The following ZNF407 variants were observed in gnomAD, a reference collection of about 807,000 sequenced individuals.
ZNF407 encodes zinc finger protein 407.
A neutral mutation model predicts 131.2 loss-of-function variants in ZNF407; 17 were observed. That is an observed-to-expected ratio of 0.13 (90% CI 0.09 to 0.19). ZNF407 has a LOEUF of 0.19. ZNF407 is among the 10% of genes least tolerant of loss of function. The pLI is 1.00. For synonymous variants in ZNF407, 1,156 were observed against 1,062.0 expected (o/e 1.09, Z -1.72); for missense variants, 2,681 against 2,830.6 (o/e 0.95, Z 1.20).
At chr18:74,615,550 T>C (rs1983249288) in intron 1 of ZNF407, among the ~76,000 whole-genome samples, 1 of 152,212 alleles carries the variant, frequency 6.6e-6, no homozygotes, top group African/African-American at 2.4e-5. Context: ...TAACATATTC[T>C]AGCAGTTGTA....
At chr18:74,671,196 A>C (rs908271182) in intron 3 of ZNF407, among the ~76,000 whole-genome samples, 23 of 152,198 alleles carry the variant, frequency 1.5e-4, no homozygotes, top group African/African-American at 5.5e-4. Context: ...GTGGAGCCAT[A>C]CAGTATTTGT....
intron 4 of ZNF407, among the ~76,000 whole-genome samples, chr18:74,786,098 C>CAT (rs1195791793): frequency 6.6e-6 from 1 of 152,212 alleles, no homozygotes; most frequent in African/African-American, 2.4e-5. Flanking sequence ...TTCTATTCAT[C>CAT]ATATATGACT....
At chr18:74,798,991 A>T (rs1969971543) in intron 4 of ZNF407, among the ~76,000 whole-genome samples, 1 of 152,100 alleles carries the variant, frequency 6.6e-6, no homozygotes, top group Non-Finnish European at 1.5e-5. Context: ...AATGAATTAA[A>T]CTATGGTGAT....
At chr18:74,839,113 T>G (rs907153109) in intron 4 of ZNF407, among the ~76,000 whole-genome samples, 1 of 152,230 alleles carries the variant, frequency 6.6e-6, no homozygotes, top group African/African-American at 2.4e-5. Flanking sequence ...TATACTTTCA[T>G]GTATCATGCT....
At chr18:74,701,084 C>T (rs139187475) in intron 3 of ZNF407, among the ~76,000 whole-genome samples, 65 of 152,300 alleles carry the variant, frequency 4.3e-4, no homozygotes, top group African/African-American at 1.2e-3. Flanking sequence ...CGCATGCACA[C>T]TTGTCCTCAC....
intron 4 of ZNF407, among the ~76,000 whole-genome samples, chr18:74,787,556 G>T (rs943184933): frequency 1.3e-5 from 2 of 152,138 alleles, no homozygotes; most frequent in Admixed American, 6.5e-5. Flanking sequence ...TTCTCTCTTG[G>T]TTGGGTTCCT....
At chr18:74,683,349 A>G (rs1967029007) in intron 3 of ZNF407, among the ~76,000 whole-genome samples, 1 of 152,172 alleles carries the variant, frequency 6.6e-6, no homozygotes, top group African/African-American at 2.4e-5. Context: ...TTTCTTCCTC[A>G]GAGAAATAGG....
At chr18:74,938,763 G>A (rs1043011581) in intron 8 of ZNF407, among the ~76,000 whole-genome samples, 15 of 152,198 alleles carry the variant, frequency 9.9e-5, no homozygotes, top group Admixed American at 6.5e-5. Context: ...GGGAGAAAAC[G>A]TTCCCACTGG....
chr18:74,887,362 T>C (rs1272734605), intron 6 of ZNF407, among the ~76,000 whole-genome samples: 1 of 152,064 alleles, frequency 6.6e-6, no homozygotes, highest in Non-Finnish European at 1.5e-5. Context: ...TTGTTTGGGG[T>C]ACTATAGATG....
chr18:74,973,956 T>G (rs1005279201), intron 8 of ZNF407, among the ~76,000 whole-genome samples: 2 of 152,250 alleles, frequency 1.3e-5, no homozygotes, highest in African/African-American at 4.8e-5. Flanking sequence ...ACAATGACCC[T>G]GTTCCCAAAT....
chr18:74,945,940 G>C (rs1289086093), intron 8 of ZNF407, among the ~76,000 whole-genome samples: 1 of 152,062 alleles, frequency 6.6e-6, no homozygotes, highest in Non-Finnish European at 1.5e-5. Flanking sequence ...TAAAACTGTG[G>C]GTGAAAACTA....
chr18:74,893,756 A>G (rs1971418479), intron 7 of ZNF407, among the ~76,000 whole-genome samples: 1 of 152,164 alleles, frequency 6.6e-6, no homozygotes. Context: ...TCCTAAGAAG[A>G]AAATTGTTTA....
intron 8 of ZNF407, among the ~76,000 whole-genome samples, chr18:75,036,002 G>A (rs1973304062): frequency 6.6e-6 from 1 of 152,242 alleles, no homozygotes; most frequent in Non-Finnish European, 1.5e-5. Flanking sequence ...GGTGGGCGAA[G>A]CCACAACATT....
chr18:74,607,580 C>T (rs921007012), intron 1 of ZNF407, among the ~76,000 whole-genome samples: 54 of 152,020 alleles, frequency 3.6e-4, no homozygotes, highest in Admixed American at 3.2e-3. Flanking sequence ...TGGCCATTGA[C>T]GGGGCTGGGT....
intron 7 of ZNF407, 127 bp from the exon 8 acceptor site, chr18:74,920,387 A>G: frequency 1.5e-6 from 1 of 676,554 alleles, no homozygotes. Context: ...TAAGCTAATT[A>G]TTATATGAGT....
chr18:74,881,063 G>A lies in ZNF407; in HGVS notation c.5072G>A (p.Cys1691Tyr), dbSNP rs1254310582. Residue 1691 changes from cysteine (C) to tyrosine (Y), a missense_variant, in exon 6 of 9, where the codon TGC becomes TAC. By Grantham distance (194) the Cys-to-Tyr change is radical. This residue lies in a region of ZNF407 where 213 missense variants were observed against 332.2 expected (regional missense o/e 0.64). Transcript: ENST00000299687. The stretch of plus-strand genomic sequence containing the variant: ...GAGAAGTCGTTTCTGTGTGACCTCT[G>A]CGGCTTTGCCGGCGGGACCCGCCAC... ...TGEKSFLCDL[C>Y]GFAGGTRHAL... The A allele has an allele frequency of 6.3e-7, 1 of 1,580,502 alleles. No homozygotes were observed. Among genetic ancestry groups the A allele is most frequent in the African/African-American group, 1.3e-5 (1 of 74,454 alleles).
chr18:74,860,072 G>A (rs1041944367), intron 4 of ZNF407, among the ~76,000 whole-genome samples: 1 of 152,112 alleles, frequency 6.6e-6, no homozygotes, highest in East Asian at 1.9e-4. Flanking sequence ...TTGGGAGATC[G>A]AGGCTGGAGG....
rs189109442 is a variant in ZNF407 at position 74,709,211 on chromosome 18, C to T, written c.4802+68089C>T. Reference sequence around the variant, plus strand: ...AAATTGAATCTTTAAAAATTGCATACGTATCAGTCTTTTAGGTTGAATTAA... The same window carrying T: ...AAATTGAATCTTTAAAAATTGCATATGTATCAGTCTTTTAGGTTGAATTAA... On this transcript the variant is annotated intron_variant, in intron 3 of 8. Coordinates refer to ENST00000299687, the MANE Select transcript of ZNF407 (RefSeq NM_017757.3). Among the ~76,000 whole-genome samples the T allele has an allele frequency of 1.6e-3, 249 of 152,170 alleles. 2 individuals carry two copies. The highest frequency in any genetic ancestry group is 2.4e-3 in the Non-Finnish European group (160 of 68,010).
chr18:74,846,432 C>T (rs969774211), intron 4 of ZNF407, among the ~76,000 whole-genome samples: 1 of 151,612 alleles, frequency 6.6e-6, no homozygotes, highest in Non-Finnish European at 1.5e-5. Context: ...CTCTGCCTCC[C>T]GGATTCAAGC....
Sources: allele counts gnomAD v4.1 joint callset (sites outside exome capture counted in the v4.1 genomes callset), GRCh38; gene constraint gnomAD v4.1.1; regional missense constraint gnomAD v4.1.1; transcripts MANE v1.5; gene names NCBI Gene and HGNC (gene_info 2026-07-23, HGNC 2026-07-21).